Variants in PDZRN4 observed in about 807,000 individuals in gnomAD.
PDZRN4 encodes the protein PDZ domain containing ring finger 4, also known as PDZ domain-containing RING finger protein 4.
PDZRN4 carries 70 observed loss-of-function variants against 99.0 expected under a neutral mutation model. The observed-to-expected ratio is 0.71, with a 90% CI of 0.58 to 0.86. The LOEUF is 0.86. Ranked by LOEUF, PDZRN4 falls within the 40% of genes least tolerant of loss-of-function variation. PDZRN4 has a pLI of 0.00. For synonymous variants in PDZRN4, 551 were observed against 501.6 expected, an observed-to-expected ratio of 1.10 and a Z score of -1.32; for missense variants, 1,474 against 1,331.2, an observed-to-expected ratio of 1.11 and a Z score of -1.67.
intron 3 of PDZRN4, among the ~76,000 whole-genome samples, chr12:41,349,964 G>GTACA (rs1395669207): frequency 6.9e-6 from 1 of 144,156 alleles, no homozygotes; most frequent in African/African-American, 2.9e-5. Context: ...GGAGTAAAGG[G>GTACA]TACAGGAGCA....
chr12:41,216,465 A>T (rs901656407), intron 3 of PDZRN4, among the ~76,000 whole-genome samples: 11 of 152,002 alleles, frequency 7.2e-5, no homozygotes, highest in African/African-American at 2.7e-4. Context: ...GTTTGACTTG[A>T]ATATAAGACA....
chr12:41,318,220 G>A (rs182212350), intron 3 of PDZRN4, among the ~76,000 whole-genome samples: 8 of 152,170 alleles, frequency 5.3e-5, no homozygotes, highest in African/African-American at 1.9e-4. Context: ...AATGACCTGG[G>A]ATTTAGCATG....
At chr12:41,346,357 G>A (rs7488531) in intron 3 of PDZRN4, among the ~76,000 whole-genome samples, 72,642 of 151,950 alleles carry the variant, frequency 0.48, 18,191 homozygotes, top group Middle Eastern at 0.65. Context: ...AGCTATTCGG[G>A]AGGCTGAGGC....
At chr12:41,535,861 G>A (rs1938739959) in intron 5 of PDZRN4, among the ~76,000 whole-genome samples, 1 of 152,188 alleles carries the variant, frequency 6.6e-6, no homozygotes, top group Non-Finnish European at 1.5e-5. Flanking sequence ...CCAGAACCAT[G>A]AGGCAAATAA....
chr12:41,295,856 G>A (rs78464547), intron 3 of PDZRN4, among the ~76,000 whole-genome samples: 1 of 152,090 alleles, frequency 6.6e-6, no homozygotes, highest in Non-Finnish European at 1.5e-5. Flanking sequence ...TTTGCAAAAA[G>A]TTTATGGGGA....
At chr12:41,189,499 A>G (rs1460537170) in intron 1 of PDZRN4, among the ~76,000 whole-genome samples, 1 of 152,034 alleles carries the variant, frequency 6.6e-6, no homozygotes, top group African/African-American at 2.4e-5. Context: ...GAAAGCGAAG[A>G]CTTTCCCGGC....
chr12:41,426,453 C>A (rs1952537443), intron 3 of PDZRN4, among the ~76,000 whole-genome samples: 1 of 152,142 alleles, frequency 6.6e-6, no homozygotes, highest in African/African-American at 2.4e-5. Flanking sequence ...GCATGCAGGA[C>A]CAAAGATGCT....
At chr12:41,317,181 T>C (rs1232366420) in intron 3 of PDZRN4, among the ~76,000 whole-genome samples, 1 of 150,926 alleles carries the variant, frequency 6.6e-6, no homozygotes, top group African/African-American at 2.4e-5. Context: ...TAGGTAAACA[T>C]CTATCTACCT....
chr12:41,218,495 T>C (rs1452310077), intron 3 of PDZRN4, among the ~76,000 whole-genome samples: 1 of 142,968 alleles, frequency 7.0e-6, no homozygotes, highest in Non-Finnish European at 1.5e-5. Flanking sequence ...GTGCTTTTGT[T>C]TCAAAAAAAA....
intron 4 of PDZRN4, among the ~76,000 whole-genome samples, chr12:41,508,784 G>A (rs1367348502): frequency 1.3e-5 from 2 of 152,064 alleles, no homozygotes; most frequent in South Asian, 2.1e-4. Flanking sequence ...GAATATTTAC[G>A]CTGACTATAG....
At chr12:41,276,829 T>C (rs903983861) in intron 3 of PDZRN4, among the ~76,000 whole-genome samples, 1 of 152,184 alleles carries the variant, frequency 6.6e-6, no homozygotes, top group Non-Finnish European at 1.5e-5. Flanking sequence ...TATCTATCTA[T>C]GGTCAGTACC....
intron 3 of PDZRN4, among the ~76,000 whole-genome samples, chr12:41,408,397 T>G (rs1294714295): frequency 6.6e-6 from 1 of 152,224 alleles, no homozygotes; most frequent in Non-Finnish European, 1.5e-5. Context: ...AAAGTACACA[T>G]AGTGGAGCTC....
chr12:41,214,622 T>C (rs1193274755), intron 3 of PDZRN4, among the ~76,000 whole-genome samples: 1 of 151,864 alleles, frequency 6.6e-6, no homozygotes, highest in East Asian at 2.0e-4. Context: ...CTATTTAGCA[T>C]ATGATTTTCT....
At chr12:41,206,025 C>A (rs114642896) in intron 3 of PDZRN4, among the ~76,000 whole-genome samples, 1 of 152,072 alleles carries the variant, frequency 6.6e-6, no homozygotes, top group African/African-American at 2.4e-5. Context: ...TGTAAGTGTT[C>A]ATTCTTATAG....
At chr12:41,375,558 C>G (rs1482168849) in intron 3 of PDZRN4, among the ~76,000 whole-genome samples, 1 of 151,974 alleles carries the variant, frequency 6.6e-6, no homozygotes, top group Non-Finnish European at 1.5e-5. Flanking sequence ...CAATTAAAAC[C>G]CTGAGAAGTT....
At chr12:41,544,459 AAGCTC>A (rs1223556636) in intron 5 of PDZRN4, among the ~76,000 whole-genome samples, 1 of 152,162 alleles carries the variant, frequency 6.6e-6, no homozygotes, top group Non-Finnish European at 1.5e-5. Context: ...GGCTTCTCAT[AAGCTC>A]TCAGTCCTCT....
At chr12:41,219,571 G>A (rs1566369410) in intron 3 of PDZRN4, among the ~76,000 whole-genome samples, 1 of 151,972 alleles carries the variant, frequency 6.6e-6, no homozygotes, top group Non-Finnish European at 1.5e-5. Context: ...ATTTTAAACA[G>A]CACAAATACT....
intron 3 of PDZRN4, among the ~76,000 whole-genome samples, chr12:41,373,446 G>A (rs1294849254): frequency 6.6e-6 from 1 of 152,064 alleles, no homozygotes; most frequent in Non-Finnish European, 1.5e-5. Flanking sequence ...CCTCAGGGAT[G>A]CATTCTCTTT....
At chr12:41,393,387 G>A (rs1219104128) in intron 3 of PDZRN4, among the ~76,000 whole-genome samples, 1 of 151,956 alleles carries the variant, frequency 6.6e-6, no homozygotes, top group Non-Finnish European at 1.5e-5. Context: ...ATTAGTTGTA[G>A]CAAGTACATA....
Sources: allele counts gnomAD v4.1 joint callset (sites outside exome capture counted in the v4.1 genomes callset), GRCh38; gene constraint gnomAD v4.1.1; transcripts MANE v1.5; gene names NCBI Gene and HGNC (gene_info 2026-07-23, HGNC 2026-07-21).